LRRC43: variants seen among roughly 807,000 people sequenced by gnomAD.
The protein encoded by LRRC43 is leucine-rich repeat-containing protein 43.
LRRC43 carries 62 observed loss-of-function variants against 64.3 expected under a neutral mutation model. The observed-to-expected ratio is 0.96, with a 90% CI of 0.79 to 1.19. LRRC43 has a LOEUF of 1.19. LRRC43 is among the 50% of genes most tolerant of loss of function. The pLI is 0.00. For synonymous variants in LRRC43, 422 were observed against 382.3 expected (o/e 1.10, Z -1.21); for missense variants, 868 against 845.0 (o/e 1.03, Z -0.34).
Position 122,201,322 on chromosome 12 carries a change from CA to C in LRRC43, c.1842del (p.Glu615LysfsTer6), listed in dbSNP as rs1953836562. ...RDSKKIKKVA[K>X]KEKPKAVIPI... is the part of the protein sequence containing the mutation. ...ATTCAAAGAAGATTAAGAAAGTTGC[CA>C]AAAAAGGTGAGTGCCGATGGTGGTG... On this transcript the variant is annotated frameshift_variant, in exon 11 of 12. Coordinates refer to ENST00000339777, the MANE Select transcript of LRRC43 (RefSeq NM_001098519.2). LOFTEE classifies it low-confidence loss of function (END_TRUNC). 1 of 1,613,866 alleles carries C rather than the reference CA, an allele frequency of 6.2e-7. No homozygotes were observed. Among genetic ancestry groups the C allele is most frequent in the Non-Finnish European group, 8.5e-7 (1 of 1,179,852 alleles).
rs368153710 is a variant in LRRC43 at position 122,193,355 on chromosome 12, C to T, written c.1349+351C>T. Among the ~76,000 whole-genome samples the T allele has an allele frequency of 5.1e-5, 7 of 137,266 alleles. No individual in the cohort carries two copies. In the South Asian group the frequency reaches 1.4e-3, roughly 27 times the overall value. 90.1% of individuals were successfully genotyped at this position (137,266 alleles called of 152,430 possible). A position where few individuals can be genotyped will look rare whatever the true frequency, so the allele number is the denominator to read the frequency against. ...GAGATCGTGCCACTGCGCTCCAGCC[C>T]GGCGACAGAGCGAGACTCCGTCTCA... On this transcript the variant is annotated intron_variant, in intron 7 of 11. Coordinates refer to ENST00000339777, the MANE Select transcript of LRRC43 (RefSeq NM_001098519.2).
intron 7 of LRRC43, among the ~76,000 whole-genome samples, chr12:122,199,279 T>TTC (rs2136061130): frequency 1.4e-5 from 1 of 72,538 alleles, no homozygotes; most frequent in South Asian, 3.7e-4. Context: ...TTGTTTCAGC[T>TTC]TTTTTTTTTT....
intron 5 of LRRC43, among the ~76,000 whole-genome samples, chr12:122,190,573 TA>T (rs145878484): frequency 0.016 from 2,383 of 152,158 alleles, 51 homozygotes; most frequent in African/African-American, 0.053. Flanking sequence ...ACAGAAGTGA[TA>T]GGGGGAGGCC....
chr12:122,168,060 C>A, intron 1 of LRRC43, among the ~76,000 whole-genome samples: 1 of 149,310 alleles, frequency 6.7e-6, no homozygotes, highest in Non-Finnish European at 1.5e-5. Context: ...GGTGATCCAC[C>A]AGCCTCAGCC....
intron 10 of LRRC43, 104 bp from the exon 11 acceptor site, chr12:122,201,192 C>T: frequency 1.6e-6 from 2 of 1,231,714 alleles, no homozygotes; most frequent in Non-Finnish European, 2.4e-6. Flanking sequence ...CCCCCGCCTT[C>T]CTGGACCTGT....
intron 4 of LRRC43, among the ~76,000 whole-genome samples, chr12:122,189,917 A>G (rs562185105): frequency 8.1e-4 from 124 of 152,298 alleles, no homozygotes; most frequent in Non-Finnish European, 1.5e-3. Flanking sequence ...TGTGACTCCA[A>G]CTGTGAGGGT....
rs750798913 is a variant in LRRC43, at chr12:122,190,385, G to A, written c.901+17G>A. On this transcript the variant is annotated intron_variant, in intron 5 of 11. Coordinates refer to ENST00000339777, the MANE Select transcript of LRRC43 (RefSeq NM_001098519.2). ...TCAATGGCGGTGAGGGTACTGGCAT[G>A]CAGGGAGGGGGTGGCATGTGACACC... The A allele has an allele frequency of 1.3e-6, 2 of 1,594,724 alleles. No homozygotes were observed. Among genetic ancestry groups the A allele is most frequent in the Non-Finnish European group, 1.7e-6 (2 of 1,164,424 alleles).
chr12:122,187,672 C>T (rs765920622), intron 3 of LRRC43, 29 bp from the exon 4 acceptor site: 62 of 1,608,216 alleles, frequency 3.9e-5, no homozygotes, highest in Non-Finnish European at 4.9e-5. Context: ...GGGGCCCCAT[C>T]GTCCCGGGCC....
At chr12:122,189,405 T>G in intron 4 of LRRC43, 1 of 456,520 alleles carries the variant, frequency 2.2e-6, no homozygotes, top group Non-Finnish European at 4.4e-6. Context: ...TCTCTTCTGC[T>G]CTTAGGGGAA....
chr12:122,197,194 C>T (rs1300391264), intron 7 of LRRC43, among the ~76,000 whole-genome samples: 2 of 152,158 alleles, frequency 1.3e-5, no homozygotes, highest in Admixed American at 6.6e-5. Context: ...AAGTTTTGCT[C>T]TTGTCGCCCA....
intron 4 of LRRC43, among the ~76,000 whole-genome samples, chr12:122,189,852 G>A (rs1333571879): frequency 6.6e-6 from 1 of 152,258 alleles, no homozygotes; most frequent in Admixed American, 6.5e-5. Context: ...AAGCTACTGA[G>A]AGGTTTGGCC....
intron 1 of LRRC43, among the ~76,000 whole-genome samples, chr12:122,176,694 G>T (rs183546456): frequency 2.0e-5 from 3 of 150,676 alleles, no homozygotes; most frequent in Admixed American, 6.6e-5. Flanking sequence ...TCACTTTGTC[G>T]CACAGGCAGG....
chr12:122,184,860 A>C lies in LRRC43; in HGVS notation c.411+81A>C. ...TTGTGGGGAGGGCACCCTTCCCCAC[A>C]GCGCGTCAGGGATCCTGCTTTCAGG... On this transcript the variant is annotated intron_variant, in intron 2 of 11. Transcript: ENST00000339777. This position sits in a 1 kb window ranked among gnomAD's most constrained non-coding sequence, Gnocchi z 4.0. 6.8e-7 allele frequency: 1 copy of C among 1,459,866 alleles called. No individual in the cohort carries two copies. The highest frequency in any genetic ancestry group is 9.3e-7 in the Non-Finnish European group (1 of 1,073,492). The allele number at this position is 1,459,866 out of a possible 1,614,324, so 90.4% of individuals were successfully genotyped here. A position where few individuals can be genotyped will look rare whatever the true frequency, so the allele number is the denominator to read the frequency against.
At chr12:122,202,960 C>T (rs1459911736) in intron 11 of LRRC43, among the ~76,000 whole-genome samples, 4 of 152,050 alleles carry the variant, frequency 2.6e-5, no homozygotes, top group Non-Finnish European at 5.9e-5. Context: ...GTCGTGGTGA[C>T]AGGCGCCTGT....
intron 7 of LRRC43, among the ~76,000 whole-genome samples, chr12:122,198,266 C>G (rs1406475288): frequency 6.6e-6 from 1 of 152,172 alleles, no homozygotes; most frequent in Non-Finnish European, 1.5e-5. Flanking sequence ...GGATGACAGG[C>G]ATGAGCCACT....
intron 1 of LRRC43, among the ~76,000 whole-genome samples, chr12:122,175,397 G>A (rs1475759848): frequency 2.0e-5 from 3 of 151,738 alleles, no homozygotes; most frequent in Non-Finnish European, 4.4e-5. Context: ...TCAAACGCCT[G>A]ACCTTGTGAT....
rs760885211 is a variant in LRRC43 at position 122,200,748 on chromosome 12, G to A, written c.1623G>A (p.Glu541=). ...TGKGEKEPAK[E]WKVLKKKKEP... is the part of the protein sequence containing the mutation. ...CTCCTGTCCTCCCGTCGTCGCAGGA[G>A]TGGAAGGTGCTGAAGAAGAAGAAAG... is the stretch of plus-strand genomic sequence containing the variant. Residue 541 remains glutamate, a splice_region_variant and synonymous_variant, in exon 10 of 12, where the codon GAG becomes GAA. Coordinates refer to ENST00000339777, the MANE Select transcript of LRRC43 (RefSeq NM_001098519.2). This position sits in a 1 kb window ranked among gnomAD's most constrained non-coding sequence, Gnocchi z 4.6. 2 of 1,613,128 alleles carry A rather than the reference G, an allele frequency of 1.2e-6. No homozygotes were observed. The highest frequency in any genetic ancestry group is 3.3e-5 in the Admixed American group (2 of 60,024).
chr12:122,190,003 G>C (rs747953730), intron 4 of LRRC43, 127 bp from the exon 5 acceptor site: 38 of 801,192 alleles, frequency 4.7e-5, no homozygotes, highest in Admixed American at 2.0e-4. Flanking sequence ...TCAAGGGTAG[G>C]ACAGGGGTGC....
chr12:122,187,633 G>A (rs896082237), intron 3 of LRRC43, 68 bp from the exon 4 acceptor site: 4 of 1,489,540 alleles, frequency 2.7e-6, no homozygotes, highest in Middle Eastern at 1.8e-4. Context: ...CGGGACAGAG[G>A]GGAGGGGCCT....
Sources: allele counts gnomAD v4.1 joint callset (sites outside exome capture counted in the v4.1 genomes callset), GRCh38; gene constraint gnomAD v4.1.1; non-coding constraint Gnocchi (gnomAD v3.1); transcripts MANE v1.5; gene names NCBI Gene and HGNC (gene_info 2026-07-23, HGNC 2026-07-21).